Variants in NHSL1 observed in about 807,000 individuals in gnomAD.
NHSL1 encodes NHS-like protein 1.
In NHSL1, 48 loss-of-function variants were observed where a neutral mutation model predicts 95.0. The ratio of observed to expected loss-of-function variants is 0.51; its 90% confidence interval spans 0.40 to 0.64. The LOEUF is 0.64. Ranked by LOEUF, NHSL1 falls within the 30% of genes least tolerant of loss-of-function variation. NHSL1 has a pLI of 0.00. For missense variants in NHSL1, 1,971 were observed against 2,077.7 expected, an observed-to-expected ratio of 0.95 and a Z score of 1.00; for synonymous variants, 783 against 833.9, an observed-to-expected ratio of 0.94 and a Z score of 1.05.
intron 1 of NHSL1, among the ~76,000 whole-genome samples, chr6:138,614,438 A>G (rs1244687492): frequency 1.3e-5 from 2 of 152,170 alleles, no homozygotes; most frequent in Admixed American, 6.5e-5. Context: ...ATAAACATCC[A>G]CAAGTGTTAA....
At chr6:138,584,959 A>G (rs961648082) in intron 1 of NHSL1, among the ~76,000 whole-genome samples, 1 of 152,178 alleles carries the variant, frequency 6.6e-6, no homozygotes, top group African/African-American at 2.4e-5. Flanking sequence ...GTGGGTAAGG[A>G]CCACAGGGCC....
upstream of NHSL1, among the ~76,000 whole-genome samples, chr6:138,501,026 T>C (rs1473455556): frequency 6.6e-6 from 1 of 152,148 alleles, no homozygotes; most frequent in Non-Finnish European, 1.5e-5. Context: ...TCTGCAAGAG[T>C]GACCTCGCTC....
chr6:138,666,614 A>T (rs1016941434), intron 1 of NHSL1, among the ~76,000 whole-genome samples: 1 of 150,664 alleles, frequency 6.6e-6, no homozygotes, highest in South Asian at 2.1e-4. Context: ...AAAAAAAAGA[A>T]GATGTGACAA....
At chr6:138,588,498 T>C (rs1401245311) in intron 1 of NHSL1, among the ~76,000 whole-genome samples, 4 of 103,466 alleles carry the variant, frequency 3.9e-5, no homozygotes, top group Non-Finnish European at 9.2e-5. Context: ...ATAACGACAC[T>C]GCAACTACAC....
intron 1 of NHSL1, among the ~76,000 whole-genome samples, chr6:138,624,223 C>G (rs1186257944): frequency 1.3e-5 from 2 of 152,132 alleles, no homozygotes; most frequent in African/African-American, 2.4e-5. Flanking sequence ...ACAGGATCAC[C>G]TAGACAGCTT....
rs67335375 is a variant in NHSL1, at chr6:138,523,627, G to GAAA, written c.16+21993_16+21995dup. ...CCCAGCCTAGAGATGTTTTAAAGAG[G>GAAA]AAAAAAAAAAAAAAAAAAAAAAAAA... On this transcript the variant is annotated intron_variant, in intron 1 of 4. Transcript: ENST00000342260. Among the ~76,000 whole-genome samples the GAAA allele has an allele frequency of 5.9e-3, 384 of 64,802 alleles. 18 individuals carry two copies. The highest frequency in any genetic ancestry group is 0.016 in the African/African-American group (290 of 17,718). 42.5% of individuals were successfully genotyped at this position (64,802 alleles called of 152,430 possible). A position where few individuals can be genotyped will look rare whatever the true frequency, so the allele number is the denominator to read the frequency against.
chr6:138,601,588 C>T (rs1370306555), intron 1 of NHSL1, among the ~76,000 whole-genome samples: 4 of 152,060 alleles, frequency 2.6e-5, no homozygotes, highest in African/African-American at 4.8e-5. Flanking sequence ...CCGAGGCGGG[C>T]GGATCACAAG....
At chr6:138,556,410 G>A (rs926028330) in intron 1 of NHSL1, among the ~76,000 whole-genome samples, 11 of 152,092 alleles carry the variant, frequency 7.2e-5, no homozygotes, top group Admixed American at 6.5e-4. Context: ...TATTGTCATT[G>A]TCATTGTAGA....
At chr6:138,632,266 C>A (rs1175159574) in intron 1 of NHSL1, among the ~76,000 whole-genome samples, 1 of 152,176 alleles carries the variant, frequency 6.6e-6, no homozygotes, top group Non-Finnish European at 1.5e-5. Flanking sequence ...CCAGACAGCA[C>A]CTGGACCCAT....
chr6:138,514,908 A>G (rs1781395731), intron 1 of NHSL1, among the ~76,000 whole-genome samples: 1 of 152,144 alleles, frequency 6.6e-6, no homozygotes, highest in South Asian at 2.1e-4. Flanking sequence ...GGGCGACAAC[A>G]CAAGACCCTG....
At chr6:138,581,419 C>T (rs555932743) in intron 1 of NHSL1, among the ~76,000 whole-genome samples, 9 of 152,122 alleles carry the variant, frequency 5.9e-5, no homozygotes, top group South Asian at 2.1e-4. Flanking sequence ...GGCCTGAGCG[C>T]GGTGGCTCAC....
At chr6:138,512,654 T>C (rs1316909773) in intron 1 of NHSL1, among the ~76,000 whole-genome samples, 2 of 152,058 alleles carry the variant, frequency 1.3e-5, no homozygotes, top group Non-Finnish European at 1.5e-5. Context: ...ATGTGTTCAA[T>C]GGCAACGTGA....
intron 1 of NHSL1, among the ~76,000 whole-genome samples, chr6:138,579,472 C>A (rs539777978): frequency 6.6e-6 from 1 of 152,162 alleles, no homozygotes. Flanking sequence ...AATAATAAAA[C>A]CCCATTCATA....
intron 1 of NHSL1, among the ~76,000 whole-genome samples, chr6:138,611,328 C>T (rs1784509269): frequency 6.6e-6 from 1 of 151,780 alleles, no homozygotes; most frequent in African/African-American, 2.4e-5. Context: ...GCTGCTGCTG[C>T]TTCAGTGGTA....
chr6:138,431,880 G>A lies in NHSL1; in HGVS notation c.2465C>T (p.Ala822Val). 1 of 1,551,714 alleles carries A rather than the reference G, an allele frequency of 6.4e-7. No individual in the cohort carries two copies. The highest frequency in any genetic ancestry group is 1.2e-5 in the South Asian group (1 of 84,060). Residue 822 changes from alanine (A) to valine (V), a missense_variant, in exon 6 of 8, where the codon GCC becomes GTC. Transcript: ENST00000343505. The surrounding 1 kb of genome is among the most constrained non-coding windows in gnomAD (Gnocchi z 4.0). ...ACCACCGGGCACTTGGGGCATTGTG[G>A]CTCTGGACCCTTCTTGGACATGGCG... is the stretch of plus-strand genomic sequence containing the variant. ...PVRHVQEGSRATMPQVPGGSV... is the reference protein window; with the variant it reads ...PVRHVQEGSRVTMPQVPGGSV...
chr6:138,600,430 A>C (rs1184884851), intron 1 of NHSL1, among the ~76,000 whole-genome samples: 1 of 152,198 alleles, frequency 6.6e-6, no homozygotes, highest in Admixed American at 6.6e-5. Context: ...TACTGCAAAA[A>C]TTTAAGTGTT....
chr6:138,592,143 C>G (rs1380056146), intron 1 of NHSL1, among the ~76,000 whole-genome samples: 1 of 152,098 alleles, frequency 6.6e-6, no homozygotes, highest in Non-Finnish European at 1.5e-5. Context: ...TCCTGCTCCC[C>G]AAAACACAAT....
At chr6:138,473,905 C>A (rs1476583239) in intron 2 of NHSL1, among the ~76,000 whole-genome samples, 1 of 151,964 alleles carries the variant, frequency 6.6e-6, no homozygotes, top group Non-Finnish European at 1.5e-5. Context: ...GGAAGTGACA[C>A]ATGAGATCAT....
intron 1 of NHSL1, among the ~76,000 whole-genome samples, chr6:138,643,484 A>C (rs1311041589): frequency 6.6e-6 from 1 of 152,226 alleles, no homozygotes; most frequent in Non-Finnish European, 1.5e-5. Context: ...ATCCACTATT[A>C]AACTCAGTCT....
Sources: allele counts gnomAD v4.1 joint callset (sites outside exome capture counted in the v4.1 genomes callset), GRCh38; gene constraint gnomAD v4.1.1; non-coding constraint Gnocchi (gnomAD v3.1); transcripts MANE v1.5; gene names NCBI Gene and HGNC (gene_info 2026-07-23, HGNC 2026-07-21).